The following SLC14A2 variants were observed in gnomAD, a reference collection of about 807,000 sequenced individuals.
The protein encoded by SLC14A2 is urea transporter 2.
A neutral mutation model predicts 104.6 loss-of-function variants in SLC14A2; 91 were observed. The observed-to-expected ratio is 0.87, with a 90% CI of 0.73 to 1.04. SLC14A2 has a LOEUF of 1.04. SLC14A2 is among the 50% of genes least tolerant of loss of function. The pLI is 0.00. For missense variants in SLC14A2, 1,189 were observed against 1,156.0 expected, an observed-to-expected ratio of 1.03 and a Z score of -0.41; for synonymous variants, 476 against 466.4, an observed-to-expected ratio of 1.02 and a Z score of -0.27.
At chr18:45,378,585 C>T (rs948017473) in intron 1 of SLC14A2, among the ~76,000 whole-genome samples, 1 of 152,122 alleles carries the variant, frequency 6.6e-6, no homozygotes, top group South Asian at 2.1e-4. Flanking sequence ...GTTAATGGGC[C>T]ACATTTTGCT....
At chr18:45,259,453 C>A (rs1201098510) in intron 1 of SLC14A2, among the ~76,000 whole-genome samples, 2 of 152,110 alleles carry the variant, frequency 1.3e-5, no homozygotes, top group African/African-American at 4.8e-5. Flanking sequence ...ACATAAATGG[C>A]ACCAAAAGAA....
At chr18:45,213,476 G>A (rs1599577337) in intron 1 of SLC14A2, among the ~76,000 whole-genome samples, 1 of 151,998 alleles carries the variant, frequency 6.6e-6, no homozygotes, top group Non-Finnish European at 1.5e-5. Context: ...ATTAACCCAT[G>A]GTATTCAATT....
At chr18:45,386,986 A>G (rs568240131) in intron 1 of SLC14A2, among the ~76,000 whole-genome samples, 1 of 152,306 alleles carries the variant, frequency 6.6e-6, no homozygotes, top group East Asian at 1.9e-4. Context: ...TGTGAATATT[A>G]ACTTTATCTC....
intron 16 of SLC14A2, among the ~76,000 whole-genome samples, chr18:45,672,630 G>A (rs2046160065): frequency 6.6e-6 from 1 of 152,024 alleles, no homozygotes; most frequent in African/African-American, 2.4e-5. Flanking sequence ...AAGGTTTTCA[G>A]TTTCTCTTCC....
At chr18:45,499,092 C>T (rs2043149050) in intron 2 of SLC14A2, among the ~76,000 whole-genome samples, 1 of 152,150 alleles carries the variant, frequency 6.6e-6, no homozygotes, top group Admixed American at 6.5e-5. Flanking sequence ...TCCCAAACAC[C>T]ACCACCACCA....
intron 1 of SLC14A2, among the ~76,000 whole-genome samples, chr18:45,453,905 G>GC (rs2086898292): frequency 7.2e-6 from 1 of 138,388 alleles, no homozygotes; most frequent in Non-Finnish European, 1.5e-5. Context: ...TGTCACCCAG[G>GC]CTGCAGTGCA....
chr18:45,407,704 A>C (rs2086171344), intron 1 of SLC14A2, among the ~76,000 whole-genome samples: 3 of 152,294 alleles, frequency 2.0e-5, no homozygotes, highest in Admixed American at 2.0e-4. Flanking sequence ...TAGGGTCCTT[A>C]ATTGGCCTAA....
intron 2 of SLC14A2, among the ~76,000 whole-genome samples, chr18:45,601,076 C>T (rs2044784719): frequency 6.6e-6 from 1 of 152,196 alleles, no homozygotes; most frequent in Non-Finnish European, 1.5e-5. Flanking sequence ...TTACCACTTC[C>T]CTAGGCTGTC....
At chr18:45,330,166 A>G (rs1247860892) in intron 1 of SLC14A2, among the ~76,000 whole-genome samples, 1 of 152,194 alleles carries the variant, frequency 6.6e-6, no homozygotes, top group Non-Finnish European at 1.5e-5. Flanking sequence ...CCTGGAAAGC[A>G]AGCAGAACTG....
At chr18:45,312,850 G>A (rs888054242) in intron 1 of SLC14A2, among the ~76,000 whole-genome samples, 4 of 152,112 alleles carry the variant, frequency 2.6e-5, no homozygotes, top group East Asian at 1.9e-4. Context: ...CCCCAGCTTC[G>A]CATCCCAGAG....
chr18:45,537,353 G>T (rs1388913398), intron 2 of SLC14A2, among the ~76,000 whole-genome samples: 1 of 152,112 alleles, frequency 6.6e-6, no homozygotes, highest in African/African-American at 2.4e-5. Context: ...GAGTTCTGGG[G>T]GTTGAGCTAT....
At chr18:45,212,238 A>G (rs774458982), upstream of SLC14A2, among the ~76,000 whole-genome samples, 45 of 152,162 alleles carry the variant, frequency 3.0e-4, no homozygotes, top group Non-Finnish European at 5.9e-4. Context: ...ATTTGTGCAA[A>G]CATACCACAA....
intron 2 of SLC14A2, among the ~76,000 whole-genome samples, chr18:45,562,725 A>G (rs560283410): frequency 5.3e-5 from 8 of 152,120 alleles, no homozygotes; most frequent in Non-Finnish European, 1.0e-4. Flanking sequence ...TGATCATTCA[A>G]GGAGAAAACA....
At chr18:45,641,442 C>T in intron 8 of SLC14A2, 99 bp downstream of exon 8, 1 of 1,397,804 alleles carries the variant, frequency 7.2e-7, no homozygotes, top group East Asian at 2.3e-5. Flanking sequence ...TACTGTTCAG[C>T]AGTGACAGAA....
the SLC14A2 span, among the ~76,000 whole-genome samples, chr18:45,192,900 T>A: frequency 6.6e-6 from 1 of 152,172 alleles, no homozygotes; most frequent in Non-Finnish European, 1.5e-5. Context: ...TCGTTATCCA[T>A]CACCCTGACC....
At chr18:45,512,260 G>A (rs1400694258) in intron 2 of SLC14A2, among the ~76,000 whole-genome samples, 2 of 152,258 alleles carry the variant, frequency 1.3e-5, no homozygotes, top group East Asian at 3.9e-4. Flanking sequence ...TCCCAAATGA[G>A]TTCTTGTCCT....
intron 1 of SLC14A2, among the ~76,000 whole-genome samples, chr18:45,416,684 A>G (rs1005129552): frequency 3.9e-5 from 6 of 152,092 alleles, no homozygotes; most frequent in Admixed American, 1.3e-4. Flanking sequence ...GGCATCTAGA[A>G]CTCATTAACA....
At chr18:45,513,302 G>A (rs1053659217) in intron 2 of SLC14A2, among the ~76,000 whole-genome samples, 1 of 152,164 alleles carries the variant, frequency 6.6e-6, no homozygotes, top group Non-Finnish European at 1.5e-5. Flanking sequence ...TACCTTATGT[G>A]AGTATAAATC....
intron 1 of SLC14A2, among the ~76,000 whole-genome samples, chr18:45,286,454 A>C (rs901135413): frequency 6.6e-5 from 10 of 152,116 alleles, no homozygotes; most frequent in Non-Finnish European, 1.5e-4. Flanking sequence ...GTAATTTCTC[A>C]TTTACACCAA....
Sources: allele counts gnomAD v4.1 joint callset (sites outside exome capture counted in the v4.1 genomes callset), GRCh38; gene constraint gnomAD v4.1.1; transcripts MANE v1.5; gene names NCBI Gene and HGNC (gene_info 2026-07-23, HGNC 2026-07-21).